Variants in DDX11 observed in about 807,000 individuals in gnomAD.
DDX11 encodes DEAD/H-box helicase 11.
In DDX11, 72 loss-of-function variants were observed where a neutral mutation model predicts 125.2. The ratio of observed to expected loss-of-function variants is 0.58; its 90% CI spans 0.48 to 0.70. The LOEUF (loss-of-function observed/expected upper bound fraction) is 0.70. Ranked by LOEUF, DDX11 falls within the 30% of genes least tolerant of loss-of-function variation. DDX11 has a pLI of 0.00. For missense variants in DDX11, 883 were observed against 1,165.0 expected, an observed-to-expected ratio of 0.76 and a Z score of 3.52; for synonymous variants, 347 against 452.6, an observed-to-expected ratio of 0.77 and a Z score of 2.96.
chr12:31,077,671 C>A lies in DDX11; in HGVS notation c.-4-719C>A, dbSNP rs1940944309. Among the ~76,000 whole-genome samples, 3 of 151,980 alleles carry A rather than the reference C, an allele frequency of 2.0e-5. No homozygotes were observed. The South Asian group carries it at 6.2e-4, about 32-fold the overall frequency. On this transcript the variant is annotated intron_variant, in intron 1 of 26. Transcript: ENST00000542838. ...GACCATCCTGGCTAACACGGTGAAACCCCGTCTCTACCAAAAAAAAAAATT... is the reference window on the plus strand; with the variant it reads ...GACCATCCTGGCTAACACGGTGAAAACCCGTCTCTACCAAAAAAAAAAATT...
chr12:31,101,275 G>A (rs1946327547), intron 20 of DDX11, 145 bp downstream of exon 20: 1 of 731,566 alleles, frequency 1.4e-6, no homozygotes, highest in Admixed American at 2.0e-5. Flanking sequence ...CACAGAATGA[G>A]CGGCGTCGAT....
chr12:31,101,848 C>T lies in DDX11; in HGVS notation c.2068C>T (p.Arg690Cys), dbSNP rs754109907. The change falls in exon 21 of 27, where the codon CGC (arginine) becomes TGC (cysteine). Residue 690 changes from arginine to cysteine, a missense_variant. Transcript: ENST00000542838. ...ELPQMMDEVG[R>C]ILCNLCGVVP... ...CCTTCCTTAGATGGACGAGGTGGGT[C>T]GCATTCTCTGTAACCTGTGCGGTGT... 1.2e-5 allele frequency: 19 copies of T among 1,613,806 alleles called. No homozygotes were observed. In the East Asian group the frequency reaches 2.0e-4, roughly 17 times the overall value.
rs563857266 is a variant in DDX11 at position 31,103,905 on chromosome 12, G to A, written c.*69G>A. On this transcript the variant is annotated 3_prime_UTR_variant, in exon 27 of 27. Coordinates refer to ENST00000542838, the MANE Select transcript of DDX11 (RefSeq NM_030653.4). ...CTGCCCGCTGGAGACAGTGTTTGTCGTGGGCGTGGTCTGCGGGGATCCTGT... is the reference window on the plus strand; with the variant it reads ...CTGCCCGCTGGAGACAGTGTTTGTCATGGGCGTGGTCTGCGGGGATCCTGT... 4.1e-4 allele frequency: 662 copies of A among 1,613,924 alleles called. 9 individuals are homozygous for A. Among genetic ancestry groups the A allele is most frequent in the South Asian group, 3.9e-3 (357 of 91,070 alleles).
chr12:31,095,702 C>T (rs537173135), intron 14 of DDX11, among the ~76,000 whole-genome samples: 16 of 151,726 alleles, frequency 1.1e-4, no homozygotes, highest in Middle Eastern at 3.4e-3. Context: ...TCCTGCCGTC[C>T]CTGCGCTTCT....
At chr12:31,089,729 T>TA (rs1943851291) in intron 8 of DDX11, 157 bp from the exon 9 acceptor site, 3 of 1,403,628 alleles carry the variant, frequency 2.1e-6, no homozygotes, top group South Asian at 1.2e-5. Context: ...AGTAAAACCT[T>TA]ACAGTGTTCC....
At chr12:31,083,312 T>TAA (rs1555209755) in intron 2 of DDX11, among the ~76,000 whole-genome samples, 3 of 128,924 alleles carry the variant, frequency 2.3e-5, no homozygotes, top group South Asian at 2.7e-4. Context: ...TTAGTTTGCT[T>TAA]AAAAAAAAAA....
chr12:31,094,865 C>T lies in DDX11; in HGVS notation c.1482+43C>T, dbSNP rs182165014. On this transcript the variant is annotated intron_variant, in intron 14 of 26. Coordinates refer to ENST00000542838, the MANE Select transcript of DDX11 (RefSeq NM_030653.4). ...TCCACATTCCACATCCAATTTCCTT[C>T]CTGTCACCACCTGTGGGTAAAGTAC... is the stretch of plus-strand genomic sequence containing the variant. The T allele has an allele frequency of 3.0e-3, 4,851 of 1,594,388 alleles. 8 individuals are homozygous for T. Among genetic ancestry groups the T allele is most frequent in the Non-Finnish European group, 3.7e-3 (4,319 of 1,161,974 alleles).
intron 7 of DDX11, 44 bp downstream of exon 7, chr12:31,089,195 T>A: frequency 6.4e-7 from 1 of 1,559,178 alleles, no homozygotes. Flanking sequence ...TCCTGCTCCT[T>A]TCGCCACAAC....
rs1225438029 is a variant in DDX11 at position 31,104,362 on chromosome 12, CCTT to C, written c.*528_*530del. 9.1e-6 allele frequency: 3 copies of C among 329,108 alleles called. No individual in the cohort carries two copies. The highest frequency in any genetic ancestry group is 1.7e-5 in the Non-Finnish European group (3 of 176,540). The allele number at this position is 329,108 out of a possible 1,614,324, so 20.4% of individuals were successfully genotyped here. Reference sequence around the variant, plus strand: ...TTCCCCTCCTCCTTCCTGAGTCACTCCTTCAGTAGAAGGCCCTGCTCCCTATCC... The same window carrying C: ...TTCCCCTCCTCCTTCCTGAGTCACTCCAGTAGAAGGCCCTGCTCCCTATCC... On this transcript the variant is annotated 3_prime_UTR_variant, in exon 27 of 27. Coordinates refer to ENST00000542838, the MANE Select transcript of DDX11 (RefSeq NM_030653.4).
At chr12:31,074,544 C>T (rs1219267760) in intron 1 of DDX11, among the ~76,000 whole-genome samples, 1 of 152,136 alleles carries the variant, frequency 6.6e-6, no homozygotes, top group Non-Finnish European at 1.5e-5. Context: ...AGATTGTTGA[C>T]GGAAGTGTCA....
chr12:31,096,590 A>G (rs753519925), intron 15 of DDX11, 47 bp from the exon 16 acceptor site: 7 of 1,605,528 alleles, frequency 4.4e-6, no homozygotes, highest in South Asian at 1.1e-5. Context: ...CCTCTCTCTC[A>G]TGGCTGTACC....
intron 6 of DDX11, among the ~76,000 whole-genome samples, chr12:31,088,374 G>T (rs1237050181): frequency 1.3e-5 from 2 of 152,102 alleles, no homozygotes; most frequent in Non-Finnish European, 2.9e-5. Flanking sequence ...GCTGTTCTGG[G>T]CTGAAATCTG....
In DDX11 at chr12:31,102,356, G is replaced by A. The variant is rs753857732; in HGVS notation, c.2271+45G>A. 63 of 1,609,428 alleles carry A rather than the reference G, an allele frequency of 3.9e-5. No homozygotes were observed. In the South Asian group the frequency reaches 6.9e-4, roughly 18 times the overall value. On this transcript the variant is annotated intron_variant, in intron 22 of 26. Coordinates refer to ENST00000542838, the MANE Select transcript of DDX11 (RefSeq NM_030653.4). ...CTTGGGTCTGAGATCGTGTGGGGGT[G>A]GCAGCTGGAAACGTTGTGGGTGTCA...
At chr12:31,089,651 T>A (rs1268882266) in intron 8 of DDX11, 161 bp downstream of exon 8, 1 of 1,051,452 alleles carries the variant, frequency 9.5e-7, no homozygotes, top group East Asian at 2.6e-5. Flanking sequence ...GTTCCTACTC[T>A]CTGGGTCAGT....
chr12:31,081,447 T>TATCAAGTTGAGTC (rs1364720059), intron 2 of DDX11, among the ~76,000 whole-genome samples: 2 of 152,120 alleles, frequency 1.3e-5, no homozygotes, highest in African/African-American at 2.4e-5. Flanking sequence ...CTTTTAAGCC[T>TATCAAGTTGAGTC]TATACAGGTC....
At position 31,089,980 on chromosome 12, in the gene DDX11, T is replaced by C; in HGVS notation, c.975T>C (p.Leu325=). 6.3e-7 allele frequency: 1 copy of C among 1,587,000 alleles called. No individual in the cohort carries two copies. The highest frequency in any genetic ancestry group is 8.6e-7 in the Non-Finnish European group (1 of 1,167,636). The change falls in exon 9 of 27, where the codon CTT becomes CTC. Residue 325 remains leucine (L), a synonymous_variant. Transcript: ENST00000542838. ...TCTACAACCACGAGCAGATGGGCCTTCTCCGGGATGAGGCCCTGGCAGAGG... is the reference window on the plus strand; with the variant it reads ...TCTACAACCACGAGCAGATGGGCCTCCTCCGGGATGAGGCCCTGGCAGAGG... ...CPFYNHEQMG[L]LRDEALAEVK...
rs1946570213 is a variant in DDX11, at chr12:31,102,512, C to G, written c.2357C>G (p.Ser786Cys). ...AAGATGAGTGAAGGGATCAACTTCT[C>G]TGACAACCTAGGCCGGTAAGTAGTG... is the stretch of plus-strand genomic sequence containing the variant. Reference protein sequence around the residue: ...GGKMSEGINFSDNLGRCVVMV... With the variant: ...GGKMSEGINFCDNLGRCVVMV... The change falls in exon 23 of 27, where the codon TCT becomes TGT. Residue 786 changes from serine to cysteine, a missense_variant. Ser to Cys is a moderately radical substitution (Grantham distance 112). Around this residue, in one of 5 missense-constraint regions of DDX11, gnomAD observed 285 missense variants for 346.0 expected, o/e 0.82. Coordinates refer to ENST00000542838, the MANE Select transcript of DDX11 (RefSeq NM_030653.4). The G allele has an allele frequency of 1.2e-6, 2 of 1,613,814 alleles. No individual in the cohort carries two copies. The highest frequency in any genetic ancestry group is 1.7e-6 in the Non-Finnish European group (2 of 1,179,680).
chr12:31,093,378 T>C, intron 12 of DDX11, 54 bp downstream of exon 12: 1 of 1,606,642 alleles, frequency 6.2e-7, no homozygotes, highest in Non-Finnish European at 8.5e-7. Context: ...GCTGGGCTGC[T>C]TTTTCCTTGG....
At position 31,085,009 on chromosome 12, in the gene DDX11, G is replaced by A. The variant is rs1270184667; in HGVS notation, c.521G>A (p.Ser174Asn). 1 of 1,611,326 alleles carries A rather than the reference G, an allele frequency of 6.2e-7. No individual in the cohort carries two copies. Among genetic ancestry groups the A allele is most frequent in the East Asian group, 2.2e-5 (1 of 44,820 alleles). Residue 174 changes from serine to asparagine, a missense_variant, in exon 5 of 27, where the codon AGC (serine) becomes AAC (asparagine). Ser to Asn is a conservative substitution (Grantham distance 46, BLOSUM62 1). This residue lies in a region of DDX11 where 283 missense variants were observed against 359.6 expected (regional missense o/e 0.79). Transcript: ENST00000542838. The stretch of plus-strand genomic sequence containing the variant: ...GAAAGAGAGAATCTCCTCCGCCTCA[G>A]CAGGGAGATGCTAGAGACAGGCCCG... The part of the protein sequence containing the change: ...EEERENLLRL[S>N]REMLETGPEA...
Sources: gnomAD v4.1 joint callset for allele counts (sites outside exome capture counted in the v4.1 genomes callset) on GRCh38, gnomAD v4.1.1 for gene constraint, gnomAD v4.1.1 regional missense constraint, MANE v1.5 for transcripts, NCBI Gene and HGNC (gene_info 2026-07-23, HGNC 2026-07-21) for gene names.